The following FMN2 variants were observed in gnomAD, a reference collection of about 807,000 sequenced individuals.
FMN2 encodes formin-2.
FMN2 carries 51 observed loss-of-function variants against 142.3 expected under a neutral mutation model. The observed-to-expected ratio is 0.36, with a 90% confidence interval of 0.29 to 0.45. The LOEUF is 0.45. FMN2 is among the 20% of genes least tolerant of loss of function. The probability of loss-of-function intolerance (pLI) is 1.00; values close to 1 mark genes in which losing one functional copy is unlikely to be tolerated. For synonymous variants in FMN2, 882 were observed against 869.8 expected (o/e 1.01, Z -0.25); for missense variants, 1,936 against 2,122.8 (o/e 0.91, Z 1.73).
rs75748937 is a variant in FMN2 at position 240,298,126 on chromosome 1, A to T, written c.4215+3243A>T. 2.3e-3 allele frequency among the ~76,000 whole-genome samples: 351 copies of T among 152,294 alleles called. 3 individuals carry two copies. The highest frequency in any genetic ancestry group is 8.0e-3 in the African/African-American group (334 of 41,566). Reference sequence around the variant, plus strand: ...TAGTATACTAGCTGGCACTGGTTAAACTTAATTACAATTTTTATTGCTGCT... The same window carrying T: ...TAGTATACTAGCTGGCACTGGTTAATCTTAATTACAATTTTTATTGCTGCT... On this transcript the variant is annotated intron_variant, in intron 8 of 17. Transcript: ENST00000319653.
chr1:240,203,233 C>G (rs942240107), intron 4 of FMN2, among the ~76,000 whole-genome samples: 6 of 152,090 alleles, frequency 3.9e-5, no homozygotes, highest in Non-Finnish European at 5.9e-5. Context: ...TGGTTATGTT[C>G]CATTGTGAAA....
chr1:240,269,666 C>A (rs1668931696), intron 7 of FMN2, among the ~76,000 whole-genome samples: 1 of 151,908 alleles, frequency 6.6e-6, no homozygotes, highest in Admixed American at 6.6e-5. Flanking sequence ...TTGAGTCTTC[C>A]AATCCATAAA....
intron 6 of FMN2, among the ~76,000 whole-genome samples, chr1:240,240,213 G>T (rs1667846190): frequency 4.6e-5 from 7 of 152,130 alleles, no homozygotes. Context: ...CAAGGGGGTA[G>T]AGCCTGGAAC....
intron 1 of FMN2, among the ~76,000 whole-genome samples, chr1:240,107,188 C>T (rs1019340147): frequency 2.6e-5 from 4 of 151,958 alleles, no homozygotes; most frequent in East Asian, 1.9e-4. Context: ...TGTTGGCATG[C>T]GTGGTCTTGA....
At chr1:240,164,769 A>G (rs1664410936) in intron 2 of FMN2, among the ~76,000 whole-genome samples, 1 of 152,172 alleles carries the variant, frequency 6.6e-6, no homozygotes, top group Non-Finnish European at 1.5e-5. Context: ...TTTTTATAGC[A>G]GTTTTACTGT....
At chr1:240,451,186 C>T (rs188763403) in intron 16 of FMN2, among the ~76,000 whole-genome samples, 13 of 151,880 alleles carry the variant, frequency 8.6e-5, no homozygotes, top group Middle Eastern at 3.4e-3. Flanking sequence ...GACAAGATGG[C>T]GAAACCCTGT....
At chr1:240,470,695 A>G (rs1676780794) in intron 16 of FMN2, among the ~76,000 whole-genome samples, 1 of 152,170 alleles carries the variant, frequency 6.6e-6, no homozygotes, top group African/African-American at 2.4e-5. Context: ...GGTCTATATG[A>G]AATGCATTTT....
intron 13 of FMN2, among the ~76,000 whole-genome samples, chr1:240,340,368 G>A (rs928686188): frequency 2.0e-5 from 3 of 152,028 alleles, no homozygotes; most frequent in Non-Finnish European, 4.4e-5. Flanking sequence ...ATTGCTTGAG[G>A]TCAGGAGTTC....
intron 4 of FMN2, among the ~76,000 whole-genome samples, chr1:240,202,626 C>A (rs1426345487): frequency 6.6e-6 from 1 of 152,044 alleles, no homozygotes; most frequent in Non-Finnish European, 1.5e-5. Flanking sequence ...CCACACCTGG[C>A]TATTTATTTT....
intron 3 of FMN2, 122 bp from the exon 4 acceptor site, chr1:240,188,085 G>T: frequency 1.2e-6 from 1 of 833,770 alleles, no homozygotes; most frequent in Non-Finnish European, 1.9e-6. Flanking sequence ...TTGGAAGAGA[G>T]ACTGGATATT....
chr1:240,421,247 C>T (rs1209902085), intron 15 of FMN2, among the ~76,000 whole-genome samples: 1 of 152,128 alleles, frequency 6.6e-6, no homozygotes, highest in Non-Finnish European at 1.5e-5. Context: ...TGTGGAAGAT[C>T]TGAAAGGTGT....
chr1:240,441,590 T>C (rs191607964), intron 16 of FMN2, among the ~76,000 whole-genome samples: 1 of 151,876 alleles, frequency 6.6e-6, no homozygotes, highest in Non-Finnish European at 1.5e-5. Context: ...ATTAATTTTT[T>C]GATATTTGCA....
At chr1:240,135,517 T>C (rs1982530) in intron 2 of FMN2, among the ~76,000 whole-genome samples, 13,383 of 152,220 alleles carry the variant, frequency 0.088, 662 homozygotes, top group South Asian at 0.16. Context: ...TTGCCTCGTA[T>C]GGGGAACTTT....
chr1:240,182,020 G>C lies in FMN2; in HGVS notation c.1930+3952G>C, dbSNP rs146612957. ...GAATTTCAAGACTTTCTGGCACATA[G>C]TATGTACTTAAATATTTGAGTGAAT... On this transcript the variant is annotated intron_variant, in intron 3 of 17. Coordinates refer to ENST00000319653, the MANE Select transcript of FMN2 (RefSeq NM_020066.5). Among the ~76,000 whole-genome samples, 369 of 152,268 alleles carry C rather than the reference G, an allele frequency of 2.4e-3. 3 individuals are homozygous for C. Among genetic ancestry groups the C allele is most frequent in the African/African-American group, 8.2e-3 (341 of 41,562 alleles).
intron 1 of FMN2, among the ~76,000 whole-genome samples, chr1:240,117,846 G>A (rs554516128): frequency 5.9e-5 from 9 of 152,198 alleles, no homozygotes; most frequent in South Asian, 2.1e-4. Flanking sequence ...TGGAGTTTAC[G>A]CTCCAGGAGT....
intron 13 of FMN2, among the ~76,000 whole-genome samples, chr1:240,336,849 G>T (rs1015659512): frequency 6.6e-6 from 1 of 152,016 alleles, no homozygotes; most frequent in African/African-American, 2.4e-5. Flanking sequence ...AAACTCTGAG[G>T]ATTAAAAACT....
intron 7 of FMN2, among the ~76,000 whole-genome samples, chr1:240,276,962 G>A (rs985055884): frequency 9.2e-5 from 14 of 152,156 alleles, no homozygotes; most frequent in Non-Finnish European, 2.1e-4. Context: ...TTTCCAAGTT[G>A]TTTTAAATCA....
intron 6 of FMN2, among the ~76,000 whole-genome samples, chr1:240,243,443 C>A (rs1667979210): frequency 6.6e-6 from 1 of 152,096 alleles, no homozygotes; most frequent in African/African-American, 2.4e-5. Flanking sequence ...AGGAGTTGGC[C>A]AATGTATGGG....
At position 240,213,269 on chromosome 1, in the gene FMN2, C is replaced by T. The variant is rs186124115; in HGVS notation, c.4065+2034C>T. 2.7e-3 allele frequency among the ~76,000 whole-genome samples: 414 copies of T among 152,242 alleles called. 3 individuals carry two copies. The South Asian group carries it at 0.027, about 10-fold the overall frequency. Reference sequence around the variant, plus strand: ...CCTCATTTGTGTTTATTGATAGTGACGCTACTGTTGACCTTCAGCTTCAAA... The same window carrying T: ...CCTCATTTGTGTTTATTGATAGTGATGCTACTGTTGACCTTCAGCTTCAAA... On this transcript the variant is annotated intron_variant, in intron 6 of 17. Coordinates refer to ENST00000319653, the MANE Select transcript of FMN2 (RefSeq NM_020066.5).
Sources: gnomAD v4.1 joint callset for allele counts (sites outside exome capture counted in the v4.1 genomes callset) on GRCh38, gnomAD v4.1.1 for gene constraint, MANE v1.5 for transcripts, NCBI Gene and HGNC (gene_info 2026-07-23, HGNC 2026-07-21) for gene names.